Variants in PTGS1 observed in about 807,000 individuals in gnomAD.
PTGS1 encodes prostaglandin G/H synthase 1.
In PTGS1, 40 loss-of-function variants were observed where a neutral mutation model predicts 63.0. The observed-to-expected ratio is 0.63, with a 90% CI of 0.49 to 0.83. The LOEUF (loss-of-function observed/expected upper bound fraction) is 0.83. PTGS1 is among the 40% of genes least tolerant of loss of function. The pLI is 0.00. For missense variants in PTGS1, 709 were observed against 786.5 expected, an observed-to-expected ratio of 0.90 and a Z score of 1.18; for synonymous variants, 298 against 301.9, an observed-to-expected ratio of 0.99 and a Z score of 0.13.
At chr9:122,384,748 C>T (rs1284717041) in intron 8 of PTGS1, among the ~76,000 whole-genome samples, 1 of 152,140 alleles carries the variant, frequency 6.6e-6, no homozygotes, top group Non-Finnish European at 1.5e-5. Flanking sequence ...ACAAAGGGGG[C>T]TCTTCTTGAA....
intron 7 of PTGS1, 85 bp from the exon 8 acceptor site, chr9:122,383,424 C>A: frequency 6.6e-7 from 1 of 1,517,612 alleles, no homozygotes; most frequent in Non-Finnish European, 8.9e-7. Flanking sequence ...GAACTGGCAG[C>A]TGGAGGCAGG....
chr9:122,380,128 A>T (rs982357005), intron 5 of PTGS1, among the ~76,000 whole-genome samples: 5 of 151,712 alleles, frequency 3.3e-5, no homozygotes, highest in African/African-American at 9.7e-5. Context: ...GTCCTTTTGG[A>T]CTCTTGGCAT....
Position 122,378,936 on chromosome 9 carries a change from G to T in PTGS1, c.496+18G>T, listed in dbSNP as rs1257328370. On this transcript the variant is annotated intron_variant, in intron 5 of 10. Transcript: ENST00000362012. ...AACCAAAGGTAAAATGGGGTGAGGA[G>T]CTGGGCCTGGGGATTACAGGAGGTG... 2.5e-6 allele frequency: 4 copies of T among 1,613,792 alleles called. No homozygotes were observed. Among genetic ancestry groups the T allele is most frequent in the Admixed American group, 1.7e-5 (1 of 59,992 alleles).
intron 7 of PTGS1, among the ~76,000 whole-genome samples, chr9:122,382,150 T>C (rs1837568941): frequency 6.6e-6 from 1 of 152,212 alleles, no homozygotes; most frequent in Non-Finnish European, 1.5e-5. Context: ...TGAGGGCTTT[T>C]GTTTAAATCA....
chr9:122,378,694 C>T, intron 4 of PTGS1, 81 bp from the exon 5 acceptor site: 5 of 1,601,748 alleles, frequency 3.1e-6, no homozygotes, highest in Non-Finnish European at 4.3e-6. Flanking sequence ...ATAAAATAAG[C>T]CCCAACCCAG....
chr9:122,381,456 C>A lies in PTGS1; in HGVS notation c.582C>A (p.Asn194Lys). The change falls in exon 6 of 11, where the codon AAC (asparagine) becomes AAA (lysine). Residue 194 changes from asparagine (N) to lysine (K), a missense_variant. By Grantham distance (94) the Asn-to-Lys change is moderately conservative. Coordinates refer to ENST00000362012, the MANE Select transcript of PTGS1 (RefSeq NM_000962.4). Reference sequence around the variant, plus strand: ...TCATACCTGACCCCCAAGGCACCAACCTCATGTTTGCCTTCTTTGCACAAC... The same window carrying A: ...TCATACCTGACCCCCAAGGCACCAAACTCATGTTTGCCTTCTTTGCACAAC... ...RKFIPDPQGT[N>K]LMFAFFAQHF... is the part of the protein sequence containing the mutation. 1 of 1,614,248 alleles carries A rather than the reference C, an allele frequency of 6.2e-7. No individual in the cohort carries two copies. The highest frequency in any genetic ancestry group is 8.5e-7 in the Non-Finnish European group (1 of 1,180,044).
intron 7 of PTGS1, among the ~76,000 whole-genome samples, chr9:122,383,196 GTTTTTTTTTTCTTTT>G (rs6151166): frequency 0.26 from 36,076 of 141,028 alleles, 7,274 homozygotes; most frequent in African/African-American, 0.57. Flanking sequence ...TTTTTTTTAA[GTTTTTTTTTTCTTTT>G]TTTTTTTTTT....
chr9:122,389,988 G>A (rs577144282), intron 9 of PTGS1, among the ~76,000 whole-genome samples: 1 of 152,066 alleles, frequency 6.6e-6, no homozygotes, highest in East Asian at 1.9e-4. Context: ...AAAAAAATGA[G>A]GAAGCTGAGA....
rs774050529 is a variant in PTGS1 at position 122,383,760 on chromosome 9, G to C, written c.1009+5G>C. On this transcript the variant is annotated splice_donor_5th_base_variant and intron_variant, in intron 8 of 10. Transcript: ENST00000362012. ...CGACCCGCCTCATCCTCATAGGTGAGGACTCCAGACCTGCCCTGCCCTGGA... is the reference window on the plus strand; with the variant it reads ...CGACCCGCCTCATCCTCATAGGTGACGACTCCAGACCTGCCCTGCCCTGGA... 3 of 1,607,626 alleles carry C rather than the reference G, an allele frequency of 1.9e-6. No homozygotes were observed. Among genetic ancestry groups the C allele is most frequent in the Non-Finnish European group, 2.5e-6 (3 of 1,179,310 alleles).
intron 10 of PTGS1, among the ~76,000 whole-genome samples, chr9:122,391,369 A>G (rs1417064002): frequency 2.5e-4 from 19 of 76,098 alleles, no homozygotes; most frequent in Non-Finnish European, 3.4e-4. Context: ...ATATATATAT[A>G]TACATATATA....
chr9:122,386,242 G>A (rs963421821), intron 8 of PTGS1, among the ~76,000 whole-genome samples: 1 of 152,146 alleles, frequency 6.6e-6, no homozygotes, highest in African/African-American at 2.4e-5. Flanking sequence ...AGTTCAGGCT[G>A]AAGTGAGCTG....
At chr9:122,379,453 A>T (rs1837383411) in intron 5 of PTGS1, among the ~76,000 whole-genome samples, 1 of 152,208 alleles carries the variant, frequency 6.6e-6, no homozygotes, top group Admixed American at 6.5e-5. Context: ...TCAGTTCAGC[A>T]TCAAGTACAG....
At chr9:122,382,239 G>C (rs984029677) in intron 7 of PTGS1, among the ~76,000 whole-genome samples, 1 of 152,160 alleles carries the variant, frequency 6.6e-6, no homozygotes, top group Non-Finnish European at 1.5e-5. Context: ...GAGGGAAAAA[G>C]AAACAGGTGA....
intron 2 of PTGS1, 192 bp downstream of exon 2, chr9:122,371,464 G>A (rs536788244): frequency 8.1e-7 from 1 of 1,233,654 alleles, no homozygotes; most frequent in Non-Finnish European, 1.1e-6. Flanking sequence ...TTGGCTAATG[G>A]GCTATCTAGT....
chr9:122,392,627 T>C lies in PTGS1; in HGVS notation c.*83T>C, dbSNP rs200072717. The stretch of plus-strand genomic sequence containing the variant: ...TGAGGCCAGGGCTGATGGTCTTAAA[T>C]GCTCATTTTCTGGTTTGGCATGGTG... On this transcript the variant is annotated 3_prime_UTR_variant, in exon 11 of 11. Coordinates refer to ENST00000362012, the MANE Select transcript of PTGS1 (RefSeq NM_000962.4). 2.3e-6 allele frequency: 3 copies of C among 1,311,030 alleles called. No homozygotes were observed. Among genetic ancestry groups the C allele is most frequent in the African/African-American group, 2.9e-5 (2 of 68,014 alleles). 81.2% of individuals were successfully genotyped at this position (1,311,030 alleles called of 1,614,324 possible).
chr9:122,384,497 C>T (rs985261950), intron 8 of PTGS1, among the ~76,000 whole-genome samples: 29 of 152,256 alleles, frequency 1.9e-4, no homozygotes, highest in Middle Eastern at 6.8e-3. Flanking sequence ...GAAGTTTCAG[C>T]GTTGCAAAGA....
chr9:122,371,870 T>C, intron 2 of PTGS1: 1 of 1,425,940 alleles, frequency 7.0e-7, no homozygotes, highest in Non-Finnish European at 9.5e-7. Context: ...ACAAAATACA[T>C]GGTGGGCCCA....
chr9:122,381,826 T>C (rs1325334457), intron 7 of PTGS1, 79 bp downstream of exon 7: 3 of 1,450,782 alleles, frequency 2.1e-6, no homozygotes, highest in East Asian at 4.7e-5. Context: ...GGGGCGGGGG[T>C]CTGGGTCATG....
At chr9:122,377,843 A>G in intron 2 of PTGS1, 56 bp from the exon 3 acceptor site, 1 of 1,465,786 alleles carries the variant, frequency 6.8e-7, no homozygotes, top group Non-Finnish European at 9.5e-7. Flanking sequence ...CAGGGGCTAG[A>G]TGGGGGTCAG....
Sources: gnomAD v4.1 joint callset for allele counts (sites outside exome capture counted in the v4.1 genomes callset) on GRCh38, gnomAD v4.1.1 for gene constraint, MANE v1.5 for transcripts, NCBI Gene and HGNC (gene_info 2026-07-23, HGNC 2026-07-21) for gene names.